Variants in EXOC6B observed in about 807,000 individuals in gnomAD.
The protein encoded by EXOC6B is SEC15 homolog B.
A neutral mutation model predicts 113.5 loss-of-function variants in EXOC6B; 54 were observed. The ratio of observed to expected loss-of-function variants is 0.48; its 90% CI spans 0.38 to 0.60. The LOEUF (loss-of-function observed/expected upper bound fraction) is 0.60. EXOC6B is among the 20% of genes least tolerant of loss of function. The probability of loss-of-function intolerance (pLI) is 0.00; values close to 1 mark genes in which losing one functional copy is unlikely to be tolerated. For missense variants in EXOC6B, 797 were observed against 977.5 expected (o/e 0.82, Z 2.46); for synonymous variants, 357 against 339.0 (o/e 1.05, Z -0.58).
At chr2:72,665,940 G>C (rs1187671576) in intron 6 of EXOC6B, among the ~76,000 whole-genome samples, 2 of 152,118 alleles carry the variant, frequency 1.3e-5, no homozygotes, top group Non-Finnish European at 2.9e-5. Flanking sequence ...CTCTTCAAGA[G>C]ACCCATTTCA....
intron 18 of EXOC6B, among the ~76,000 whole-genome samples, chr2:72,422,222 C>T (rs1052985158): frequency 5.9e-5 from 9 of 152,220 alleles, no homozygotes; most frequent in East Asian, 1.9e-4. Flanking sequence ...GCACCCGGCG[C>T]GGGACTGGCA....
intron 18 of EXOC6B, among the ~76,000 whole-genome samples, chr2:72,382,274 C>A (rs1458943206): frequency 1.3e-5 from 2 of 152,146 alleles, no homozygotes; most frequent in Non-Finnish European, 1.5e-5. Context: ...GGTATGAGAC[C>A]AGCACAATAC....
chr2:72,553,598 T>C (rs990334670), intron 8 of EXOC6B, among the ~76,000 whole-genome samples: 1 of 152,020 alleles, frequency 6.6e-6, no homozygotes, highest in Non-Finnish European at 1.5e-5. Flanking sequence ...AATGTAAATA[T>C]TGAAATTTAG....
chr2:72,203,726 C>T (rs1476133003), intron 20 of EXOC6B, among the ~76,000 whole-genome samples: 1 of 152,106 alleles, frequency 6.6e-6, no homozygotes, highest in African/African-American at 2.4e-5. Flanking sequence ...ATTGTATTCC[C>T]ACATTCTCAA....
intron 1 of EXOC6B, among the ~76,000 whole-genome samples, chr2:72,784,826 A>G (rs1468772685): frequency 3.3e-5 from 5 of 152,104 alleles, no homozygotes; most frequent in Non-Finnish European, 7.4e-5. Context: ...ATGTCCTCAT[A>G]TTTCAAAACC....
At chr2:72,438,923 T>C (rs918282751) in intron 18 of EXOC6B, among the ~76,000 whole-genome samples, 2 of 152,192 alleles carry the variant, frequency 1.3e-5, no homozygotes, top group Non-Finnish European at 1.5e-5. Flanking sequence ...ACTTACACTA[T>C]GCTGTCTTGA....
chr2:72,189,789 TTTCC>T (rs912578338), intron 20 of EXOC6B, among the ~76,000 whole-genome samples: 1 of 144,886 alleles, frequency 6.9e-6, no homozygotes, highest in African/African-American at 2.6e-5. Flanking sequence ...TTTCCTTTCC[TTTCC>T]TTCCTTCTTT....
chr2:72,380,639 A>T (rs920205701), intron 18 of EXOC6B, among the ~76,000 whole-genome samples: 10 of 152,016 alleles, frequency 6.6e-5, no homozygotes, highest in Non-Finnish European at 1.0e-4. Flanking sequence ...GCCTCAAAAA[A>T]GAGGAGAGGG....
At chr2:72,789,761 T>C (rs1458738806) in intron 1 of EXOC6B, among the ~76,000 whole-genome samples, 2 of 152,118 alleles carry the variant, frequency 1.3e-5, no homozygotes, top group East Asian at 1.9e-4. Context: ...TAAGTAAATA[T>C]AGGAAAATGT....
intron 20 of EXOC6B, among the ~76,000 whole-genome samples, chr2:72,295,554 C>T (rs1686081573): frequency 6.6e-6 from 1 of 152,062 alleles, no homozygotes; most frequent in South Asian, 2.1e-4. Context: ...AAAATTGTCC[C>T]TTAAGTTTAA....
intron 18 of EXOC6B, among the ~76,000 whole-genome samples, chr2:72,460,588 C>A (rs956898805): frequency 1.8e-4 from 27 of 149,852 alleles, no homozygotes; most frequent in Non-Finnish European, 7.3e-5. Context: ...ATTTATGCAG[C>A]CAGAAAACAC....
intron 1 of EXOC6B, among the ~76,000 whole-genome samples, chr2:72,767,834 G>T (rs1196998151): frequency 1.2e-4 from 3 of 24,390 alleles, no homozygotes; most frequent in South Asian, 1.6e-3. Context: ...AAAAAAAAAA[G>T]ACCAAGTCCG....
At chr2:72,622,365 G>A (rs772688191) in intron 6 of EXOC6B, among the ~76,000 whole-genome samples, 1 of 151,456 alleles carries the variant, frequency 6.6e-6, no homozygotes, top group Non-Finnish European at 1.5e-5. Context: ...TTAAGAAAAA[G>A]ACAAACAACC....
intron 6 of EXOC6B, among the ~76,000 whole-genome samples, chr2:72,633,321 T>C (rs1672603800): frequency 6.6e-6 from 1 of 152,184 alleles, no homozygotes; most frequent in South Asian, 2.1e-4. Flanking sequence ...TTGTTGTTGT[T>C]GGAAGAAATT....
At chr2:72,475,827 C>T (rs1360695543) in intron 17 of EXOC6B, among the ~76,000 whole-genome samples, 4 of 152,182 alleles carry the variant, frequency 2.6e-5, no homozygotes, top group African/African-American at 4.8e-5. Flanking sequence ...CTTTCCTCAG[C>T]CCCTCTGCCC....
intron 20 of EXOC6B, among the ~76,000 whole-genome samples, chr2:72,329,728 T>C (rs1688327029): frequency 6.6e-6 from 1 of 152,078 alleles, no homozygotes; most frequent in Admixed American, 6.6e-5. Context: ...GTTAAGTTCT[T>C]GAGTTGTTCT....
intron 6 of EXOC6B, among the ~76,000 whole-genome samples, chr2:72,672,560 AAAAAG>A (rs1675976346): frequency 6.7e-6 from 1 of 149,772 alleles, no homozygotes; most frequent in African/African-American, 2.5e-5. Context: ...AAAAAAAAAA[AAAAAG>A]AAAAAGAAAA....
chr2:72,461,412 C>T lies in EXOC6B; in HGVS notation c.1980+3748G>A, dbSNP rs546211041. 5 of 150,020 alleles carry T rather than the reference C, an allele frequency of 3.3e-5. No homozygotes were observed. The East Asian group carries it at 5.9e-4, about 18-fold the overall frequency. The allele number at this position is 150,020 out of a possible 1,614,324, so 9.3% of individuals were successfully genotyped here. ...TGGAGTATACAATTCTAGGCTTGCA[C>T]TGTACATAATATAGATATTTAATTT... On this transcript the variant is annotated intron_variant, in intron 18 of 21. Coordinates refer to ENST00000272427, the MANE Select transcript of EXOC6B (RefSeq NM_015189.3).
chr2:72,255,914 G>A (rs1683327223), intron 20 of EXOC6B, among the ~76,000 whole-genome samples: 7 of 152,150 alleles, frequency 4.6e-5, no homozygotes, highest in African/African-American at 2.4e-5. Flanking sequence ...TTGGTTGGAT[G>A]GTGATACCAA....
Sources: gnomAD v4.1 joint callset for allele counts (sites outside exome capture counted in the v4.1 genomes callset) on GRCh38, gnomAD v4.1.1 for gene constraint, MANE v1.5 for transcripts, NCBI Gene and HGNC (gene_info 2026-07-23, HGNC 2026-07-21) for gene names.